EBF2: variants seen among roughly 807,000 people sequenced by gnomAD.
The protein encoded by EBF2 is transcription factor COE2.
In EBF2, 21 loss-of-function variants were observed where a neutral mutation model predicts 72.8. That is an observed-to-expected ratio of 0.29 (90% CI 0.20 to 0.42). EBF2 has a LOEUF of 0.42. Among genes scored for constraint, EBF2 ranks in the 10% least tolerant of loss-of-function variants. EBF2 has a pLI of 1.00. For missense variants in EBF2, 637 were observed against 731.2 expected (o/e 0.87, Z 1.49); for synonymous variants, 299 against 274.2 (o/e 1.09, Z -0.89).
chr8:25,975,223 A>G (rs1029139769), intron 6 of EBF2, among the ~76,000 whole-genome samples: 4 of 152,142 alleles, frequency 2.6e-5, no homozygotes, highest in Non-Finnish European at 5.9e-5. Context: ...CAGGGACTAC[A>G]GGGGAAAATG....
At chr8:25,977,938 G>A (rs903111467) in intron 6 of EBF2, among the ~76,000 whole-genome samples, 2 of 152,138 alleles carry the variant, frequency 1.3e-5, no homozygotes, top group Admixed American at 6.5e-5. Flanking sequence ...TTCCCCTCTA[G>A]CCTGACTTTT....
intron 6 of EBF2, among the ~76,000 whole-genome samples, chr8:26,016,134 G>A (rs1392892719): frequency 6.6e-6 from 1 of 152,186 alleles, no homozygotes; most frequent in Non-Finnish European, 1.5e-5. Context: ...GCTCTTTAGT[G>A]CAGGGAGAAG....
chr8:25,946,616 G>T (rs1803772893), intron 6 of EBF2, among the ~76,000 whole-genome samples: 1 of 152,120 alleles, frequency 6.6e-6, no homozygotes, highest in Admixed American at 6.6e-5. Context: ...CTCATTGAAT[G>T]ACAACACCCT....
chr8:25,914,030 G>T (rs561203435), intron 6 of EBF2, among the ~76,000 whole-genome samples: 2 of 152,234 alleles, frequency 1.3e-5, no homozygotes, highest in East Asian at 3.9e-4. Flanking sequence ...GAAAGGAATG[G>T]GCAGTTGCCT....
intron 7 of EBF2, among the ~76,000 whole-genome samples, chr8:25,898,897 C>T (rs898549033): frequency 4.6e-5 from 7 of 152,258 alleles, no homozygotes; most frequent in East Asian, 1.9e-4. Flanking sequence ...ATGGGTTCAG[C>T]GGCAGGTTTG....
intron 6 of EBF2, among the ~76,000 whole-genome samples, chr8:26,018,165 C>G (rs919035338): frequency 6.6e-6 from 1 of 151,046 alleles, no homozygotes; most frequent in African/African-American, 2.4e-5. Context: ...CCATTGAGAG[C>G]CACAGAACAG....
chr8:25,930,275 C>T (rs1803458496), intron 6 of EBF2, among the ~76,000 whole-genome samples: 1 of 152,150 alleles, frequency 6.6e-6, no homozygotes, highest in Non-Finnish European at 1.5e-5. Flanking sequence ...CTTATGGTCA[C>T]CTGCACTGTC....
intron 7 of EBF2, among the ~76,000 whole-genome samples, chr8:25,893,652 G>C (rs1167197004): frequency 6.6e-6 from 1 of 152,132 alleles, no homozygotes; most frequent in African/African-American, 2.4e-5. Flanking sequence ...ATTACGTGGA[G>C]GTAAAGAGCC....
chr8:25,983,014 C>T (rs1454349329), intron 6 of EBF2, among the ~76,000 whole-genome samples: 6 of 151,824 alleles, frequency 4.0e-5, no homozygotes, highest in South Asian at 2.1e-4. Context: ...AGATTCAAAG[C>T]GGTCCAATGA....
intron 10 of EBF2, among the ~76,000 whole-genome samples, chr8:25,871,549 G>C (rs1347172038): frequency 6.6e-6 from 1 of 152,060 alleles, no homozygotes; most frequent in Non-Finnish European, 1.5e-5. Context: ...AATAATTATG[G>C]CATGGCATGA....
chr8:25,995,966 C>T (rs962862644), intron 6 of EBF2, among the ~76,000 whole-genome samples: 1 of 151,958 alleles, frequency 6.6e-6, no homozygotes, highest in Admixed American at 6.6e-5. Context: ...AACGTATCCT[C>T]CTTGCTGTTT....
At chr8:25,922,677 G>A (rs1585196589) in intron 6 of EBF2, among the ~76,000 whole-genome samples, 1 of 152,182 alleles carries the variant, frequency 6.6e-6, no homozygotes, top group Non-Finnish European at 1.5e-5. Context: ...AACTTTCAGT[G>A]TCACTGGCTC....
In EBF2 at chr8:25,863,984, C is replaced by T. The variant is rs141069306; in HGVS notation, c.1010-1187G>A. Among the ~76,000 whole-genome samples, 7 of 152,192 alleles carry T rather than the reference C, an allele frequency of 4.6e-5. No individual in the cohort carries two copies. In the East Asian group the frequency reaches 1.4e-3, roughly 29 times the overall value. On this transcript the variant is annotated intron_variant, in intron 10 of 15. Transcript: ENST00000520164. ...TTTATAACATTATTTTAAATTCCTG[C>T]ATATTTTTCTATGACATGTTCTATA...
Position 25,861,066 on chromosome 8 carries a change from G to A in EBF2, c.1325C>T (p.Thr442Ile). Residue 442 changes from threonine to isoleucine, a missense_variant, in exon 13 of 16, where the codon ACA becomes ATA. Thr to Ile is a moderately conservative substitution (Grantham distance 89). Transcript: ENST00000520164. Reference protein sequence around the residue: ...SQLGVSISESTQGNNQGYIRN... With the variant: ...SQLGVSISESIQGNNQGYIRN... ...GGTGGTACCTTGATTATTTCCTTGT[G>A]TTGACTCTGAGATGCTGACCCCAAG... 6.2e-7 allele frequency: 1 copy of A among 1,614,100 alleles called. No individual in the cohort carries two copies. Among genetic ancestry groups the A allele is most frequent in the Non-Finnish European group, 8.5e-7 (1 of 1,180,010 alleles).
chr8:25,852,017 T>A (rs1199988273), intron 14 of EBF2, among the ~76,000 whole-genome samples: 1 of 152,190 alleles, frequency 6.6e-6, no homozygotes, highest in African/African-American at 2.4e-5. Context: ...ATCCAAAGAC[T>A]TCAAAAGAAG....
At chr8:26,039,464 C>T (rs945409159) in intron 5 of EBF2, among the ~76,000 whole-genome samples, 1 of 152,180 alleles carries the variant, frequency 6.6e-6, no homozygotes, top group Non-Finnish European at 1.5e-5. Context: ...CAGGTAGTTC[C>T]TTCTGACCTG....
At chr8:25,915,611 A>AG (rs1484979475) in intron 6 of EBF2, among the ~76,000 whole-genome samples, 1 of 151,324 alleles carries the variant, frequency 6.6e-6, no homozygotes, top group Non-Finnish European at 1.5e-5. Flanking sequence ...CCTTTTGGAA[A>AG]AAAAAAAAAA....
chr8:26,022,214 T>C (rs1805213512), intron 6 of EBF2, among the ~76,000 whole-genome samples: 1 of 152,232 alleles, frequency 6.6e-6, no homozygotes, highest in African/African-American at 2.4e-5. Flanking sequence ...ATACCTTGTC[T>C]CTTATCCCAA....
rs60093762 is a variant in EBF2 at position 25,857,040 on chromosome 8, A to C, written c.1528+1279T>G. 2.9e-3 allele frequency among the ~76,000 whole-genome samples: 440 copies of C among 152,246 alleles called. 3 individuals carry two copies. Among genetic ancestry groups the C allele is most frequent in the African/African-American group, 1.0e-2 (415 of 41,538 alleles). ...ATTCCCCCAAACACTTTTTGGAACA[A>C]GAATTTCCAAAAATTTGGGGGAATT... On this transcript the variant is annotated intron_variant, in intron 14 of 15. Transcript: ENST00000520164.
Sources: allele counts gnomAD v4.1 joint callset (sites outside exome capture counted in the v4.1 genomes callset), GRCh38; gene constraint gnomAD v4.1.1; transcripts MANE v1.5; gene names NCBI Gene and HGNC (gene_info 2026-07-23, HGNC 2026-07-21).